PANK1: variants seen among roughly 807,000 people sequenced by gnomAD.
PANK1 encodes pantothenate kinase 1.
Under a neutral mutation model 40.1 loss-of-function variants are expected in PANK1, and 18 were observed. The ratio of observed to expected loss-of-function variants is 0.45; its 90% CI spans 0.31 to 0.67. The LOEUF is 0.67. PANK1 is among the 30% of genes least tolerant of loss of function. PANK1 has a pLI of 0.06. For missense variants in PANK1, 457 were observed against 599.6 expected, an observed-to-expected ratio of 0.76 and a Z score of 2.48; for synonymous variants, 242 against 237.7, an observed-to-expected ratio of 1.02 and a Z score of -0.17.
intron 1 of PANK1, among the ~76,000 whole-genome samples, chr10:89,637,443 T>C (rs998428825): frequency 2.0e-5 from 3 of 152,242 alleles, no homozygotes; most frequent in African/African-American, 7.2e-5. Flanking sequence ...ACCCTATTGT[T>C]CCTAAGCTGT....
intron 5 of PANK1, among the ~76,000 whole-genome samples, chr10:89,590,686 G>T (rs761474519): frequency 3.3e-5 from 5 of 151,954 alleles, no homozygotes; most frequent in Non-Finnish European, 7.4e-5. Context: ...TTAGGAAATT[G>T]AACAAATCAA....
At chr10:89,609,133 C>T (rs759731274) in intron 2 of PANK1, among the ~76,000 whole-genome samples, 1 of 152,200 alleles carries the variant, frequency 6.6e-6, no homozygotes, top group Non-Finnish European at 1.5e-5. Flanking sequence ...GGCACGATCT[C>T]GGCTCACTGT....
chr10:89,643,752 T>C lies in PANK1; in HGVS notation c.292+848A>G, dbSNP rs201899626. On this transcript the variant is annotated intron_variant, in intron 1 of 6. Coordinates refer to ENST00000307534, the MANE Select transcript of PANK1 (RefSeq NM_148977.3). ...AAGACACCCACAAAGAAGTAACCAG[T>C]TGAATGAGCTTCAGTCAAGAAAAAC... is the stretch of plus-strand genomic sequence containing the variant. 87 of 1,613,346 alleles carry C rather than the reference T, an allele frequency of 5.4e-5. No homozygotes were observed. The African/African-American group carries it at 9.7e-4, about 18-fold the overall frequency.
chr10:89,614,618 C>T (rs927617454), intron 1 of PANK1, among the ~76,000 whole-genome samples: 20 of 151,828 alleles, frequency 1.3e-4, no homozygotes, highest in Admixed American at 4.6e-4. Flanking sequence ...GGCAACATGA[C>T]GAAACCCCAT....
At chr10:89,611,438 A>G (rs1224903502) in intron 2 of PANK1, among the ~76,000 whole-genome samples, 1 of 152,234 alleles carries the variant, frequency 6.6e-6, no homozygotes, top group African/African-American at 2.4e-5. Flanking sequence ...CAATAATTGT[A>G]ATTGAAATGA....
At chr10:89,610,800 C>T (rs1244011818) in intron 2 of PANK1, among the ~76,000 whole-genome samples, 3 of 152,174 alleles carry the variant, frequency 2.0e-5, no homozygotes, top group Non-Finnish European at 4.4e-5. Context: ...CTAAAATCTC[C>T]CAACCCTTCC....
At position 89,611,694 on chromosome 10, in the gene PANK1, A is replaced by G; in HGVS notation, c.645+2T>C. On this transcript the variant is annotated splice_donor_variant, in intron 2 of 6. Coordinates refer to ENST00000307534, the MANE Select transcript of PANK1 (RefSeq NM_148977.3). LOFTEE classifies it high-confidence loss of function. ...GTTTTAACAAAGACAAACCCGACCT[A>G]CCATTCTGAAGTCCTCTTCGAATTT... 6.3e-7 allele frequency: 1 copy of G among 1,594,494 alleles called. No homozygotes were observed. The highest frequency in any genetic ancestry group is 8.6e-7 in the Non-Finnish European group (1 of 1,168,132).
intron 1 of PANK1, among the ~76,000 whole-genome samples, chr10:89,630,654 G>A (rs566283087): frequency 2.8e-4 from 42 of 151,994 alleles, no homozygotes; most frequent in African/African-American, 8.4e-4. Context: ...CACCTCGCCC[G>A]GCTAATTTTT....
intron 1 of PANK1, among the ~76,000 whole-genome samples, chr10:89,636,986 C>T (rs1236455677): frequency 6.6e-6 from 1 of 151,400 alleles, no homozygotes; most frequent in Non-Finnish European, 1.5e-5. Flanking sequence ...CTCAGCCTCC[C>T]GAGTACCTGG....
At chr10:89,624,467 G>A (rs1429764462) in intron 1 of PANK1, among the ~76,000 whole-genome samples, 2 of 152,058 alleles carry the variant, frequency 1.3e-5, no homozygotes, top group Admixed American at 6.5e-5. Context: ...GCCCATAAAA[G>A]GTATCCTCTA....
chr10:89,580,044 A>C (rs1844025631), downstream of PANK1: 1 of 152,242 alleles, frequency 6.6e-6, no homozygotes, highest in African/African-American at 2.4e-5. Flanking sequence ...ACTGCTTTCT[A>C]ACAATTCTTG....
At chr10:89,607,137 C>T (rs555884995) in intron 2 of PANK1, among the ~76,000 whole-genome samples, 278 of 152,284 alleles carry the variant, frequency 1.8e-3, no homozygotes, top group Middle Eastern at 6.8e-3. Flanking sequence ...TCTCACTAAG[C>T]GTAATGATTT....
intron 1 of PANK1, 103 bp downstream of exon 1, chr10:89,644,497 G>A: frequency 4.9e-6 from 5 of 1,018,958 alleles, no homozygotes. Context: ...CAGACGCGGG[G>A]GCGCACGGGG....
chr10:89,628,584 A>G (rs1841542666), intron 1 of PANK1, among the ~76,000 whole-genome samples: 2 of 152,246 alleles, frequency 1.3e-5, no homozygotes, highest in African/African-American at 4.8e-5. Flanking sequence ...AATATTATAA[A>G]GTTAATTGTG....
At chr10:89,593,534 GA>G (rs3215821) in intron 4 of PANK1, among the ~76,000 whole-genome samples, 22,148 of 152,072 alleles carry the variant, frequency 0.15, 2,158 homozygotes, top group East Asian at 0.44. Context: ...AATGGGGGGG[GA>G]AAATTAATGC....
intron 1 of PANK1, among the ~76,000 whole-genome samples, chr10:89,621,278 G>A (rs6586208): frequency 0.08 from 12,084 of 151,192 alleles, 890 homozygotes; most frequent in African/African-American, 0.2. Context: ...TCCAGCCTGG[G>A]CAATAAGAGC....
rs1332357743 is a variant in PANK1 at position 89,583,595 on chromosome 10, G to C, written c.*811C>G. The C allele has an allele frequency of 6.6e-6, 1 of 152,110 alleles. No homozygotes were observed. The highest frequency in any genetic ancestry group is 2.4e-5 in the African/African-American group (1 of 41,420). 9.4% of individuals were successfully genotyped at this position (152,110 alleles called of 1,614,324 possible). On this transcript the variant is annotated 3_prime_UTR_variant, in exon 7 of 7. Transcript: ENST00000307534. Reference sequence around the variant, plus strand: ...GACTATTTCAACTTAATATAACCTAGCATAAAATAAATCCAATGAAACACT... The same window carrying C: ...GACTATTTCAACTTAATATAACCTACCATAAAATAAATCCAATGAAACACT...
chr10:89,612,515 G>A (rs1409317126), intron 1 of PANK1, among the ~76,000 whole-genome samples: 1 of 152,210 alleles, frequency 6.6e-6, no homozygotes, highest in East Asian at 1.9e-4. Flanking sequence ...GGTGTACCAA[G>A]AGATGGTATG....
At chr10:89,594,052 A>G (rs1230749609) in intron 3 of PANK1, 63 bp from the exon 4 acceptor site, 1 of 1,181,830 alleles carries the variant, frequency 8.5e-7, no homozygotes, top group Non-Finnish European at 1.3e-6. Flanking sequence ...CAAGTCCCCA[A>G]CTACGTCAAG....
Sources: gnomAD v4.1 joint callset for allele counts (sites outside exome capture counted in the v4.1 genomes callset) on GRCh38, gnomAD v4.1.1 for gene constraint, MANE v1.5 for transcripts, NCBI Gene and HGNC (gene_info 2026-07-23, HGNC 2026-07-21) for gene names.